The following SLC30A9 variants were observed in gnomAD, a reference collection of about 807,000 sequenced individuals.
SLC30A9 encodes solute carrier family 30 member 9, also known as proton-coupled zinc antiporter SLC30A9, mitochondrial.
In SLC30A9, 58 loss-of-function variants were observed where a neutral mutation model predicts 87.5. The ratio of observed to expected loss-of-function variants is 0.66; its 90% CI spans 0.54 to 0.82. SLC30A9 has a LOEUF of 0.82. SLC30A9 is among the 40% of genes least tolerant of loss of function. The pLI, the probability that SLC30A9 is intolerant of heterozygous loss-of-function variation, is 0.00. For missense variants in SLC30A9, 557 were observed against 679.1 expected, an observed-to-expected ratio of 0.82 and a Z score of 2.00; for synonymous variants, 234 against 233.0, an observed-to-expected ratio of 1.00 and a Z score of -0.04.
intron 1 of SLC30A9, among the ~76,000 whole-genome samples, chr4:41,991,874 A>C (rs1442416560): frequency 5.3e-5 from 8 of 152,236 alleles, no homozygotes; most frequent in African/African-American, 1.9e-4. Context: ...ATAAATTAGA[A>C]TATATTCGTA....
chr4:42,073,132 C>T (rs1718383501), intron 15 of SLC30A9, among the ~76,000 whole-genome samples: 1 of 152,088 alleles, frequency 6.6e-6, no homozygotes, highest in South Asian at 2.1e-4. Context: ...CCTCGGTCTC[C>T]CAAAGTGCTA....
In SLC30A9 at chr4:42,023,356, T is replaced by A; in HGVS notation, c.582T>A (p.Arg194=). ...PEALAREKKL[R]KEAEIEYRER... is the part of the protein sequence containing the mutation. Reference sequence around the variant, plus strand: ...CTCTTGCCAGAGAGAAAAAATTGCGTAAGGAAGCAGAAATAGAATACAGAG... The same window carrying A: ...CTCTTGCCAGAGAGAAAAAATTGCGAAAGGAAGCAGAAATAGAATACAGAG... The change falls in exon 6 of 18, where the codon CGT becomes CGA. Residue 194 remains arginine (R), a synonymous_variant. Coordinates refer to ENST00000264451, the MANE Select transcript of SLC30A9 (RefSeq NM_006345.4). The A allele has an allele frequency of 3.1e-6, 5 of 1,612,550 alleles. No individual in the cohort carries two copies. Among genetic ancestry groups the A allele is most frequent in the Non-Finnish European group, 4.2e-6 (5 of 1,178,606 alleles).
intron 6 of SLC30A9, chr4:42,029,975 C>A: frequency 2.2e-6 from 2 of 909,136 alleles, no homozygotes; most frequent in South Asian, 1.3e-5. Flanking sequence ...AGCCCAAATA[C>A]CTGCAGCCTC....
intron 6 of SLC30A9, among the ~76,000 whole-genome samples, chr4:42,023,618 ATTTT>A (rs886917639): frequency 3.9e-5 from 6 of 152,314 alleles, no homozygotes; most frequent in African/African-American, 1.4e-4. Context: ...ACAGTTTATC[ATTTT>A]TATAAGACAT....
intron 17 of SLC30A9, among the ~76,000 whole-genome samples, chr4:42,081,540 C>T (rs946723054): frequency 8.5e-5 from 13 of 152,168 alleles, no homozygotes; most frequent in African/African-American, 2.4e-4. Context: ...GTCCTTGAAC[C>T]GCACTTTGCA....
intron 2 of SLC30A9, among the ~76,000 whole-genome samples, chr4:42,013,759 A>T (rs1181747818): frequency 6.6e-6 from 1 of 152,234 alleles, no homozygotes; most frequent in Admixed American, 6.5e-5. Flanking sequence ...TGGAGTAAAG[A>T]CTGAAATCTA....
intron 17 of SLC30A9, among the ~76,000 whole-genome samples, chr4:42,079,169 A>G (rs1279578117): frequency 3.9e-5 from 6 of 152,080 alleles, no homozygotes; most frequent in Non-Finnish European, 7.4e-5. Flanking sequence ...ATTATTGCAG[A>G]CCTCAAAGAG....
chr4:41,996,615 C>T (rs774308158), intron 1 of SLC30A9, among the ~76,000 whole-genome samples: 9 of 152,076 alleles, frequency 5.9e-5, no homozygotes, highest in Non-Finnish European at 1.2e-4. Context: ...GGGTGGCACA[C>T]GCCTGCGGTC....
rs537209023 is a variant in SLC30A9 at position 42,042,876 on chromosome 4, A to G, written c.737+3823A>G. 4.6e-5 allele frequency among the ~76,000 whole-genome samples: 7 copies of G among 152,338 alleles called. No homozygotes were observed. The South Asian group carries it at 1.4e-3, about 32-fold the overall frequency. On this transcript the variant is annotated intron_variant, in intron 8 of 17. Transcript: ENST00000264451. Reference sequence around the variant, plus strand: ...CCTCTGGGATGAAGCTTCCAGAGGAAGGAACAGGCAGCAATGTTTGCTGTT... The same window carrying G: ...CCTCTGGGATGAAGCTTCCAGAGGAGGGAACAGGCAGCAATGTTTGCTGTT...
Position 42,001,707 on chromosome 4 carries a change from C to T in SLC30A9, c.201C>T (p.Tyr67=). ...GTACCCTGAGTCAAGTAAAGTTGTA[C>T]TCCACAAATGTTCAGAAAGAAGGAC... The part of the protein sequence containing the change: ...YIGTLSQVKL[Y]STNVQKEGQG... Residue 67 remains tyrosine, a synonymous_variant, in exon 2 of 18, where the codon TAC becomes TAT. Coordinates refer to ENST00000264451, the MANE Select transcript of SLC30A9 (RefSeq NM_006345.4). The T allele has an allele frequency of 6.2e-7, 1 of 1,611,136 alleles. No individual in the cohort carries two copies. The highest frequency in any genetic ancestry group is 1.1e-5 in the South Asian group (1 of 90,878).
At chr4:42,063,272 A>G in intron 11 of SLC30A9, 151 bp downstream of exon 11, 1 of 543,176 alleles carries the variant, frequency 1.8e-6, no homozygotes, top group Non-Finnish European at 3.0e-6. Flanking sequence ...TTTAATTTTT[A>G]GAACGTGACT....
At chr4:42,065,245 TTATA>T (rs1718033550) in intron 11 of SLC30A9, 61 bp from the exon 12 acceptor site, 1 of 861,328 alleles carries the variant, frequency 1.2e-6, no homozygotes, top group Non-Finnish European at 2.0e-6. Flanking sequence ...ATTACGGACT[TTATA>T]TATGAACAAT....
intron 1 of SLC30A9, among the ~76,000 whole-genome samples, chr4:41,997,372 T>A (rs1714765841): frequency 6.6e-6 from 1 of 151,766 alleles, no homozygotes; most frequent in South Asian, 2.1e-4. Context: ...TTACAAATTG[T>A]GATAATGATG....
At chr4:42,052,252 A>G (rs1237144156) in intron 9 of SLC30A9, among the ~76,000 whole-genome samples, 1 of 152,214 alleles carries the variant, frequency 6.6e-6, no homozygotes, top group East Asian at 1.9e-4. Flanking sequence ...TGTTGCTGAG[A>G]GAAATCAAAG....
intron 17 of SLC30A9, among the ~76,000 whole-genome samples, chr4:42,085,382 A>G (rs1174743580): frequency 6.6e-6 from 1 of 152,230 alleles, no homozygotes; most frequent in Non-Finnish European, 1.5e-5. Context: ...ACTTACTAGC[A>G]GTGTGACTTC....
chr4:42,011,303 A>T (rs984794763), intron 2 of SLC30A9, among the ~76,000 whole-genome samples: 1 of 152,196 alleles, frequency 6.6e-6, no homozygotes, highest in Non-Finnish European at 1.5e-5. Context: ...TCATGAGAAC[A>T]GCATGGGGGA....
At chr4:42,074,027 T>A (rs11946119) in intron 15 of SLC30A9, among the ~76,000 whole-genome samples, 99,277 of 152,080 alleles carry the variant, frequency 0.65, 36,909 homozygotes, top group East Asian at 0.96. Flanking sequence ...GAAATGTGTT[T>A]ATACTCTGTG....
At chr4:42,019,919 G>A (rs1298520415) in intron 3 of SLC30A9, among the ~76,000 whole-genome samples, 1 of 151,978 alleles carries the variant, frequency 6.6e-6, no homozygotes, top group Non-Finnish European at 1.5e-5. Flanking sequence ...TCAGCCTCCT[G>A]AGAAGCTGGG....
chr4:41,997,593 G>C (rs564962882), intron 1 of SLC30A9, among the ~76,000 whole-genome samples: 2 of 152,048 alleles, frequency 1.3e-5, no homozygotes, highest in Non-Finnish European at 2.9e-5. Context: ...TATAACATGA[G>C]TGTTTTTCCT....
Sources: gnomAD v4.1 joint callset for allele counts (sites outside exome capture counted in the v4.1 genomes callset) on GRCh38, gnomAD v4.1.1 for gene constraint, MANE v1.5 for transcripts, NCBI Gene and HGNC (gene_info 2026-07-23, HGNC 2026-07-21) for gene names.